HACD2: variants seen among roughly 807,000 people sequenced by gnomAD.
HACD2 encodes 3-hydroxyacyl-CoA dehydratase 2, also known as very-long-chain (3R)-3-hydroxyacyl-CoA dehydratase 2.
In HACD2, 15 loss-of-function variants were observed where a neutral mutation model predicts 31.0. The ratio of observed to expected loss-of-function variants is 0.48; its 90% CI spans 0.32 to 0.75. The LOEUF (loss-of-function observed/expected upper bound fraction) is 0.75, where lower values mean the gene tolerates loss of function less well. Among genes scored for constraint, HACD2 ranks in the 30% least tolerant of loss-of-function variants. The pLI is 0.03. For synonymous variants in HACD2, 115 were observed against 122.2 expected (o/e 0.94, Z 0.39); for missense variants, 283 against 313.0 (o/e 0.90, Z 0.72).
At chr3:123,521,016 GA>G (rs2056207653) in intron 4 of HACD2, among the ~76,000 whole-genome samples, 1 of 152,036 alleles carries the variant, frequency 6.6e-6, no homozygotes, top group Admixed American at 6.6e-5. Context: ...GTTAATCCCA[GA>G]ACTGCAAGTA....
At chr3:123,583,722 T>C (rs1388534466) in intron 1 of HACD2, among the ~76,000 whole-genome samples, 3 of 152,112 alleles carry the variant, frequency 2.0e-5, no homozygotes. Context: ...TGTCTTATTT[T>C]AAAAAGGGAT....
At chr3:123,510,932 GTT>G (rs67094405) in intron 4 of HACD2, among the ~76,000 whole-genome samples, 7,846 of 142,584 alleles carry the variant, frequency 0.055, 433 homozygotes, top group East Asian at 0.25. Context: ...CATTTGCTGT[GTT>G]TTTTTTTTTT....
chr3:123,567,261 T>C (rs1228518764), intron 3 of HACD2, among the ~76,000 whole-genome samples: 4 of 152,292 alleles, frequency 2.6e-5, no homozygotes, highest in Non-Finnish European at 5.9e-5. Context: ...AAATAAAACA[T>C]ATTGTATCTG....
At chr3:123,514,804 T>C (rs2056112545) in intron 4 of HACD2, among the ~76,000 whole-genome samples, 1 of 152,224 alleles carries the variant, frequency 6.6e-6, no homozygotes, top group Admixed American at 6.5e-5. Context: ...ATGATTAAGA[T>C]AATGATAGTT....
Position 123,545,034 on chromosome 3 carries a change from C to CAAAA in HACD2, c.293-16564_293-16561dup, listed in dbSNP as rs71142743. 2.2e-3 allele frequency among the ~76,000 whole-genome samples: 98 copies of CAAAA among 45,152 alleles called. 3 individuals are homozygous for CAAAA. The highest frequency in any genetic ancestry group is 8.1e-3 in the African/African-American group (90 of 11,072). The allele number at this position is 45,152 out of a possible 152,430, so 29.6% of individuals were successfully genotyped here. A position where few individuals can be genotyped will look rare whatever the true frequency, so the allele number is the denominator to read the frequency against. ...AGCTGTAGTAAGAGAGACCCTGCCT[C>CAAAA]AAAAAAAAAAAAAAAAAAAAAAAAG... On this transcript the variant is annotated intron_variant, in intron 3 of 6. Transcript: ENST00000383657.
intron 3 of HACD2, among the ~76,000 whole-genome samples, chr3:123,529,072 G>A (rs1393150186): frequency 6.6e-6 from 1 of 150,918 alleles, no homozygotes; most frequent in East Asian, 1.9e-4. Context: ...ATGTCCTCAA[G>A]TTATAACACT....
At chr3:123,583,279 C>T (rs956858774) in intron 1 of HACD2, among the ~76,000 whole-genome samples, 10 of 152,186 alleles carry the variant, frequency 6.6e-5, no homozygotes, top group Admixed American at 1.3e-4. Flanking sequence ...CCCTCCACCC[C>T]ATTCTCTATG....
rs578165879 is a variant in HACD2 at position 123,508,241 on chromosome 3, G to A, written c.382-5560C>T. ...GAGCGGGTACCATGAAGCCCTTCCG[G>A]TTAGGGAATCTTTCTTTGCCTGGCA... On this transcript the variant is annotated intron_variant, in intron 4 of 6. Transcript: ENST00000383657. 1.2e-4 allele frequency among the ~76,000 whole-genome samples: 19 copies of A among 152,302 alleles called. No homozygotes were observed. In the South Asian group the frequency reaches 3.9e-3, roughly 32 times the overall value.
At chr3:123,499,272 A>C (rs1459684961) in intron 6 of HACD2, 1 of 168,962 alleles carries the variant, frequency 5.9e-6, no homozygotes, top group African/African-American at 2.4e-5. Flanking sequence ...AAAAAAAAAA[A>C]ACAAAATTAG....
At chr3:123,556,436 C>CA (rs34685425) in intron 3 of HACD2, among the ~76,000 whole-genome samples, 1,176 of 106,820 alleles carry the variant, frequency 0.011, 5 homozygotes, top group African/African-American at 0.02. Context: ...GACTCCGTCT[C>CA]AAAAAAAAAA....
chr3:123,537,229 AT>A (rs1449555293), intron 3 of HACD2, among the ~76,000 whole-genome samples: 1 of 152,236 alleles, frequency 6.6e-6, no homozygotes, highest in Non-Finnish European at 1.5e-5. Context: ...TAAAATGAAA[AT>A]ATAGGTAAAC....
chr3:123,532,801 T>G (rs954607139), intron 3 of HACD2, among the ~76,000 whole-genome samples: 37 of 117,062 alleles, frequency 3.2e-4, no homozygotes, highest in Non-Finnish European at 4.9e-4. Flanking sequence ...GCCACTGTAC[T>G]CCAGCCAGGG....
chr3:123,515,146 G>A (rs368786779), intron 4 of HACD2, among the ~76,000 whole-genome samples: 2 of 152,126 alleles, frequency 1.3e-5, no homozygotes, highest in African/African-American at 4.8e-5. Context: ...ACGGGGCCTG[G>A]GAGACTGGCA....
intron 3 of HACD2, among the ~76,000 whole-genome samples, chr3:123,561,813 G>A (rs1329889694): frequency 6.6e-6 from 1 of 151,976 alleles, no homozygotes; most frequent in African/African-American, 2.4e-5. Flanking sequence ...GTGGGTTTTG[G>A]TGTCTGTTTA....
chr3:123,538,131 G>A (rs1439277532), intron 3 of HACD2, among the ~76,000 whole-genome samples: 4 of 152,244 alleles, frequency 2.6e-5, no homozygotes, highest in African/African-American at 9.6e-5. Flanking sequence ...GACTGACAGA[G>A]GGCAATTCTC....
At chr3:123,510,248 A>G (rs1433801145) in intron 4 of HACD2, among the ~76,000 whole-genome samples, 8 of 152,050 alleles carry the variant, frequency 5.3e-5, no homozygotes, top group Non-Finnish European at 1.0e-4. Context: ...ATAATACAGT[A>G]TATGTCTTTA....
At chr3:123,511,169 A>T (rs193130424) in intron 4 of HACD2, among the ~76,000 whole-genome samples, 118 of 152,228 alleles carry the variant, frequency 7.8e-4, no homozygotes, top group African/African-American at 2.8e-3. Flanking sequence ...CAGTAAAAAT[A>T]ATTATACCTA....
At chr3:123,565,301 T>G (rs914349049) in intron 3 of HACD2, among the ~76,000 whole-genome samples, 11 of 152,208 alleles carry the variant, frequency 7.2e-5, no homozygotes, top group Non-Finnish European at 1.6e-4. Flanking sequence ...TGCTTGGTGC[T>G]GTACCCTGAA....
chr3:123,497,574 C>T (rs935335590), intron 6 of HACD2, among the ~76,000 whole-genome samples: 1 of 152,232 alleles, frequency 6.6e-6, no homozygotes, highest in Non-Finnish European at 1.5e-5. Context: ...TTCTCCAGGT[C>T]CTCACCCCTC....
Sources: gnomAD v4.1 joint callset for allele counts (sites outside exome capture counted in the v4.1 genomes callset) on GRCh38, gnomAD v4.1.1 for gene constraint, MANE v1.5 for transcripts, NCBI Gene and HGNC (gene_info 2026-07-23, HGNC 2026-07-21) for gene names.